PLP1: variants seen among roughly 807,000 people sequenced by gnomAD.
PLP1 encodes the protein myelin proteolipid protein.
Under a neutral mutation model 18.5 loss-of-function variants are expected in PLP1, and 2 were observed. The ratio of observed to expected loss-of-function variants is 0.11; its 90% confidence interval spans 0.04 to 0.34. The LOEUF (loss-of-function observed/expected upper bound fraction) is 0.34. PLP1 is among the 10% of genes least tolerant of loss of function. The pLI is 1.00. For synonymous variants in PLP1, 86 were observed against 83.2 expected, an observed-to-expected ratio of 1.03 and a Z score of -0.19; for missense variants, 105 against 207.3, an observed-to-expected ratio of 0.51 and a Z score of 3.03.
At position 103,792,539 on chromosome X, in the gene PLP1, G is replaced by A. The variant is rs1440842755; in HGVS notation, c.*1941G>A. ...GAATTGCAATTTTAACACACATAAA[G>A]GATAAACTTTTAGAAACTTATCTTA... On this transcript the variant is annotated 3_prime_UTR_variant, in exon 7 of 7. Coordinates refer to ENST00000621218, the MANE Select transcript of PLP1 (RefSeq NM_000533.5). 1.8e-5 allele frequency: 2 copies of A among 111,829 alleles called. No homozygotes were observed. Among genetic ancestry groups the A allele is most frequent in the Non-Finnish European group, 3.8e-5 (2 of 52,988 alleles). 9.2% of individuals were successfully genotyped at this position (111,829 alleles called of 1,213,427 possible).
At chrX:103,789,518 G>A in intron 6 of PLP1, 120 bp downstream of exon 6, 1 of 601,626 alleles carries the variant, frequency 1.7e-6, no homozygotes, top group Non-Finnish European at 2.9e-6. Context: ...GGAAGCTTCT[G>A]GGAAGATAGC....
At chrX:103,784,030 G>A (rs1006616279) in intron 1 of PLP1, among the ~76,000 whole-genome samples, 6 of 112,175 alleles carry the variant, frequency 5.3e-5, no homozygotes, top group African/African-American at 1.9e-4. Flanking sequence ...TTAGGGATCT[G>A]GCCGAGAGGC....
At chrX:103,777,929 C>T (rs1472856323) in intron 1 of PLP1, among the ~76,000 whole-genome samples, 1 of 112,265 alleles carries the variant, frequency 8.9e-6, no homozygotes, top group African/African-American at 3.2e-5. Context: ...CCATGTATTC[C>T]CTATCAAATG....
At chrX:103,779,663 C>G (rs757642989) in intron 1 of PLP1, among the ~76,000 whole-genome samples, 132 of 111,814 alleles carry the variant, frequency 1.2e-3, no homozygotes, top group Non-Finnish European at 2.0e-3. Context: ...TGGCTCTGAG[C>G]TAGGAAAGCC....
intron 4 of PLP1, among the ~76,000 whole-genome samples, chrX:103,788,176 C>T (rs2074514740): frequency 8.9e-6 from 1 of 111,930 alleles, no homozygotes; most frequent in Non-Finnish European, 1.9e-5. Flanking sequence ...TTTTCTTGGC[C>T]ATTCACATTG....
Position 103,790,653 on chromosome X carries a change from C to A in PLP1, c.*55C>A. ...AGCGAGGCTCTAACCACACAGCCTA[C>A]AATGCTGCGTCTCCCATCTTAACTC... On this transcript the variant is annotated 3_prime_UTR_variant, in exon 7 of 7. Coordinates refer to ENST00000621218, the MANE Select transcript of PLP1 (RefSeq NM_000533.5). 1.2e-6 allele frequency: 1 copy of A among 869,486 alleles called. No homozygotes were observed. Among genetic ancestry groups the A allele is most frequent in the Non-Finnish European group, 1.7e-6 (1 of 582,892 alleles). 71.7% of individuals were successfully genotyped at this position (869,486 alleles called of 1,213,427 possible).
rs987078927 is a variant in PLP1 at position 103,792,106 on chromosome X, G to C, written c.*1508G>C. ...CAGATTTCAGTCTTTTCCTGTTTTTGTTAACTTTGGGTTAAAAAAAAAAAA... is the reference window on the plus strand; with the variant it reads ...CAGATTTCAGTCTTTTCCTGTTTTTCTTAACTTTGGGTTAAAAAAAAAAAA... On this transcript the variant is annotated 3_prime_UTR_variant, in exon 7 of 7. Transcript: ENST00000621218. The C allele has an allele frequency of 2.8e-5, 3 of 107,248 alleles. No homozygotes were observed. The highest frequency in any genetic ancestry group is 1.0e-4 in the African/African-American group (3 of 29,361). 8.8% of individuals were successfully genotyped at this position (107,248 alleles called of 1,213,427 possible). A position where few individuals can be genotyped will look rare whatever the true frequency, so the allele number is the denominator to read the frequency against.
At position 103,779,044 on chromosome X, in the gene PLP1, GA is replaced by G. The variant is rs201006606; in HGVS notation, c.4+2046del. On this transcript the variant is annotated intron_variant, in intron 1 of 6. Transcript: ENST00000621218. ...AGAATCCCTTAGGATTGGAAGCAAG[GA>G]GGAACACTGATTCAGTAGTGTCTGC... 1.9e-3 allele frequency among the ~76,000 whole-genome samples: 209 copies of G among 112,348 alleles called. 2 individuals are homozygous for G. The East Asian group carries it at 0.021, about 11-fold the overall frequency.
chrX:103,777,431 A>G (rs904068920), intron 1 of PLP1, among the ~76,000 whole-genome samples: 6 of 111,955 alleles, frequency 5.4e-5, no homozygotes, highest in African/African-American at 1.9e-4. Context: ...ACTTTGAACC[A>G]TGTTTGGCAT....
chrX:103,786,060 C>A lies in PLP1; in HGVS notation c.191+292C>A, dbSNP rs2074493880. The A allele has an allele frequency of 6.7e-6, 7 of 1,048,224 alleles. No homozygotes were observed. The South Asian group carries it at 1.6e-4, about 24-fold the overall frequency. 86.4% of individuals were successfully genotyped at this position (1,048,224 alleles called of 1,213,427 possible). A position where few individuals can be genotyped will look rare whatever the true frequency, so the allele number is the denominator to read the frequency against. On this transcript the variant is annotated intron_variant, in intron 2 of 6. Coordinates refer to ENST00000621218, the MANE Select transcript of PLP1 (RefSeq NM_000533.5). ...ATATTGCCCAAGTTGGAGCCTCCAG[C>A]GTAGTAGGTATGGAGAAGCCAAGGG...
In PLP1 at chrX:103,776,968, C is replaced by T; in HGVS notation, c.-28C>T. On this transcript the variant is annotated 5_prime_UTR_variant, in exon 1 of 7. Coordinates refer to ENST00000621218, the MANE Select transcript of PLP1 (RefSeq NM_000533.5). ...GCCACAAAGCAGACTAGCCAGCCGGCTACAATTGGAGTCAGAGTCCCAAAG... is the reference window on the plus strand; with the variant it reads ...GCCACAAAGCAGACTAGCCAGCCGGTTACAATTGGAGTCAGAGTCCCAAAG... The T allele has an allele frequency of 8.3e-7, 1 of 1,202,108 alleles. No homozygotes were observed. The highest frequency in any genetic ancestry group is 1.1e-6 in the Non-Finnish European group (1 of 887,068).
intron 3 of PLP1, 186 bp from the exon 4 acceptor site, chrX:103,787,612 C>A: frequency 2.1e-6 from 1 of 475,895 alleles, no homozygotes; most frequent in Non-Finnish European, 3.7e-6. Context: ...TATACTGGGG[C>A]CAGTTATCTA....
chrX:103,777,076 C>T (rs2074416770), intron 1 of PLP1, 77 bp downstream of exon 1: 2 of 880,179 alleles, frequency 2.3e-6, no homozygotes, highest in East Asian at 3.2e-5. Context: ...CTTTGGGGTT[C>T]GGGGGTTCCA....
chrX:103,784,589 C>A (rs1027836561), intron 1 of PLP1, among the ~76,000 whole-genome samples: 5 of 112,038 alleles, frequency 4.5e-5, no homozygotes, highest in African/African-American at 1.6e-4. Flanking sequence ...AACAAATACA[C>A]ACGATGCTCA....
In PLP1 at chrX:103,787,977, G is replaced by GT; in HGVS notation, c.622+12dup. The GT allele has an allele frequency of 8.4e-7, 1 of 1,195,597 alleles. No homozygotes were observed. The highest frequency in any genetic ancestry group is 1.1e-6 in the Non-Finnish European group (1 of 880,644). On this transcript the variant is annotated intron_variant, in intron 4 of 6. Coordinates refer to ENST00000621218, the MANE Select transcript of PLP1 (RefSeq NM_000533.5). The stretch of plus-strand genomic sequence containing the variant: ...ATGCCAGAATGTATGGTGAGTTAGG[G>GT]TACGGGTGCTTTGGCTCTCCTACCC...
rs1393992278 is a variant in PLP1 at position 103,791,686 on chromosome X, T to C, written c.*1088T>C. 1 of 113,000 alleles carries C rather than the reference T, an allele frequency of 8.8e-6. No homozygotes were observed. Among genetic ancestry groups the C allele is most frequent in the Non-Finnish European group, 1.9e-5 (1 of 53,389 alleles). 9.3% of individuals were successfully genotyped at this position (113,000 alleles called of 1,213,427 possible). The stretch of plus-strand genomic sequence containing the variant: ...CACATTTCATGTATTCCAGTTTGTT[T>C]ATTACTTATTTGGGGTTGCATCAGA... On this transcript the variant is annotated 3_prime_UTR_variant, in exon 7 of 7. Coordinates refer to ENST00000621218, the MANE Select transcript of PLP1 (RefSeq NM_000533.5).
At chrX:103,781,590 G>A (rs2074454635) in intron 1 of PLP1, among the ~76,000 whole-genome samples, 1 of 112,236 alleles carries the variant, frequency 8.9e-6, no homozygotes, top group African/African-American at 3.2e-5. Flanking sequence ...CTAAAGAAAG[G>A]GACTGGCCTT....
intron 1 of PLP1, chrX:103,780,976 G>A (rs1378007953): frequency 1.4e-5 from 2 of 146,391 alleles, no homozygotes; most frequent in Non-Finnish European, 2.7e-5. Flanking sequence ...ACCTAGGGAG[G>A]TGGGGCCAGT....
At chrX:103,788,712 A>G (rs1324427217) in intron 5 of PLP1, 2 of 447,971 alleles carry the variant, frequency 4.5e-6, no homozygotes, top group African/African-American at 4.8e-5. Context: ...AGTTGCATAG[A>G]AAGACTTCCT....
Sources: allele counts gnomAD v4.1 joint callset (sites outside exome capture counted in the v4.1 genomes callset), GRCh38; gene constraint gnomAD v4.1.1; transcripts MANE v1.5; gene names NCBI Gene and HGNC (gene_info 2026-07-23, HGNC 2026-07-21).